The following GLIS3 variants were observed in gnomAD, a reference collection of about 807,000 sequenced individuals.
The protein encoded by GLIS3 is GLIS family zinc finger 3.
A neutral mutation model predicts 78.6 loss-of-function variants in GLIS3; 53 were observed. That is an observed-to-expected ratio of 0.67 (90% CI 0.54 to 0.85). The LOEUF (loss-of-function observed/expected upper bound fraction) is 0.85. Ranked by LOEUF, GLIS3 falls within the 40% of genes least tolerant of loss-of-function variation. The pLI, the probability that GLIS3 is intolerant of heterozygous loss-of-function variation, is 0.00. For missense variants in GLIS3, 1,703 were observed against 1,231.1 expected (o/e 1.38, Z -5.74); for synonymous variants, 684 against 509.9 (o/e 1.34, Z -4.60).
chr9:4,256,756 T>G (rs1380960408), intron 2 of GLIS3, among the ~76,000 whole-genome samples: 4 of 152,006 alleles, frequency 2.6e-5, no homozygotes, highest in African/African-American at 9.7e-5. Flanking sequence ...GAATATGACT[T>G]TTTAAAAATT....
intron 7 of GLIS3, among the ~76,000 whole-genome samples, chr9:3,892,179 G>C (rs2130554624): frequency 6.6e-6 from 1 of 152,196 alleles, no homozygotes; most frequent in South Asian, 2.1e-4. Context: ...GTTCACTAGA[G>C]AGAACGGGAC....
At chr9:4,079,839 G>A (rs1018783509) in intron 4 of GLIS3, among the ~76,000 whole-genome samples, 1 of 150,762 alleles carries the variant, frequency 6.6e-6, no homozygotes, top group Non-Finnish European at 1.5e-5. Flanking sequence ...GAAATTCAAT[G>A]AATCAGAGCT....
intron 4 of GLIS3, among the ~76,000 whole-genome samples, chr9:4,052,006 A>G (rs1226787611): frequency 6.6e-6 from 1 of 152,202 alleles, no homozygotes; most frequent in Non-Finnish European, 1.5e-5. Flanking sequence ...ATTAGAGTGC[A>G]TTGGGAGAGG....
intron 2 of GLIS3, among the ~76,000 whole-genome samples, chr9:4,165,342 G>C (rs1401975453): frequency 1.3e-5 from 2 of 152,200 alleles, no homozygotes; most frequent in Non-Finnish European, 2.9e-5. Flanking sequence ...TCGGGAGGCT[G>C]AGGCAGGAGA....
intron 9 of GLIS3, among the ~76,000 whole-genome samples, chr9:3,847,375 T>G (rs1341574905): frequency 6.6e-6 from 1 of 152,250 alleles, no homozygotes. Flanking sequence ...TTCTTGTCTT[T>G]TCTTTCTGTT....
Position 3,969,142 on chromosome 9 carries a change from G to A in GLIS3, c.1711-31953C>T, listed in dbSNP as rs141364611. On this transcript the variant is annotated intron_variant, in intron 4 of 10. Coordinates refer to ENST00000381971, the MANE Select transcript of GLIS3 (RefSeq NM_001042413.2). ...CTGCTTTGTCACCAAGGTGTAGTGT[G>A]ATGAAATGCATATGACCTGGCAAAC... Among the ~76,000 whole-genome samples, 286 of 152,288 alleles carry A rather than the reference G, an allele frequency of 1.9e-3. 3 individuals are homozygous for A. Among genetic ancestry groups the A allele is most frequent in the African/African-American group, 6.6e-3 (276 of 41,554 alleles).
chr9:4,354,128 G>A, the GLIS3 span, among the ~76,000 whole-genome samples: 1 of 151,812 alleles, frequency 6.6e-6, no homozygotes, highest in East Asian at 1.9e-4. Flanking sequence ...GAGCCACCAC[G>A]CCCGGCCAAC....
At chr9:4,388,041 G>C in the GLIS3 span, among the ~76,000 whole-genome samples, 2 of 152,134 alleles carry the variant, frequency 1.3e-5, no homozygotes, top group African/African-American at 4.8e-5. Context: ...CCAATGTTTT[G>C]TTTTTGACTG....
chr9:3,845,025 C>G (rs964563673), intron 9 of GLIS3, among the ~76,000 whole-genome samples: 1 of 151,982 alleles, frequency 6.6e-6, no homozygotes, highest in Non-Finnish European at 1.5e-5. Context: ...CCAGCATTTT[C>G]TCTTTTAGAA....
At chr9:4,476,181 T>G in the GLIS3 span, among the ~76,000 whole-genome samples, 1 of 152,216 alleles carries the variant, frequency 6.6e-6, no homozygotes. Context: ...ATGAACAAAA[T>G]CATATTCATA....
chr9:4,056,949 A>C (rs573894161), intron 4 of GLIS3, among the ~76,000 whole-genome samples: 2 of 146,766 alleles, frequency 1.4e-5, no homozygotes, highest in African/African-American at 5.1e-5. Flanking sequence ...AAGCCACAAT[A>C]ATCATCTAAA....
chr9:4,360,052 A>G, the GLIS3 span, among the ~76,000 whole-genome samples: 1 of 151,908 alleles, frequency 6.6e-6, no homozygotes, highest in African/African-American at 2.4e-5. Context: ...CACAAATTGA[A>G]GCCCACATAA....
At chr9:3,896,456 G>A (rs896858863) in intron 7 of GLIS3, among the ~76,000 whole-genome samples, 1 of 151,892 alleles carries the variant, frequency 6.6e-6, no homozygotes, top group African/African-American at 2.4e-5. Context: ...CCTGAGGTCA[G>A]GAGTTTGAGA....
the GLIS3 span, among the ~76,000 whole-genome samples, chr9:4,404,647 A>C: frequency 1.3e-5 from 2 of 152,316 alleles, no homozygotes; most frequent in South Asian, 4.1e-4. Context: ...ATTAAGAAGA[A>C]AACTGAAAGA....
chr9:4,364,979 A>C, the GLIS3 span, among the ~76,000 whole-genome samples: 1 of 151,952 alleles, frequency 6.6e-6, no homozygotes, highest in Admixed American at 6.6e-5. Flanking sequence ...AAAACTACAC[A>C]GTGATTTTTA....
the GLIS3 span, among the ~76,000 whole-genome samples, chr9:4,368,598 G>T: frequency 1.3e-5 from 2 of 152,102 alleles, no homozygotes; most frequent in East Asian, 1.9e-4. Flanking sequence ...TGATCCACCC[G>T]CCTCGGCCTC....
rs966697962 is a variant in GLIS3, at chr9:4,269,060, T to C, written c.388+16978A>G. On this transcript the variant is annotated intron_variant, in intron 2 of 10. Coordinates refer to ENST00000381971, the MANE Select transcript of GLIS3 (RefSeq NM_001042413.2). ...GGATGCTGGCTAACATACCATCACA[T>C]AGACATTTAGTCCAAGCTTTCTCAC... 7.2e-5 allele frequency among the ~76,000 whole-genome samples: 11 copies of C among 152,228 alleles called. No individual in the cohort carries two copies. The East Asian group carries it at 9.6e-4, about 13-fold the overall frequency.
At chr9:4,065,763 A>C (rs1156431130) in intron 4 of GLIS3, among the ~76,000 whole-genome samples, 2 of 152,208 alleles carry the variant, frequency 1.3e-5, no homozygotes, top group Non-Finnish European at 2.9e-5. Context: ...CTACACTTTT[A>C]TGGATGTATA....
intron 4 of GLIS3, among the ~76,000 whole-genome samples, chr9:3,948,474 G>C (rs1017566): frequency 0.41 from 61,759 of 151,934 alleles, 13,468 homozygotes; most frequent in African/African-American, 0.57. Context: ...CATGCCTGCA[G>C]TGTACTTTGA....
Sources: gnomAD v4.1 joint callset for allele counts (sites outside exome capture counted in the v4.1 genomes callset) on GRCh38, gnomAD v4.1.1 for gene constraint, MANE v1.5 for transcripts, NCBI Gene and HGNC (gene_info 2026-07-23, HGNC 2026-07-21) for gene names.